The following INO80 variants were observed in gnomAD, a reference collection of about 807,000 sequenced individuals.
INO80 encodes the protein chromatin-remodeling ATPase INO80.
Under a neutral mutation model 203.4 loss-of-function variants are expected in INO80, and 20 were observed. The ratio of observed to expected loss-of-function variants is 0.10; its 90% CI spans 0.07 to 0.14. INO80 has a LOEUF of 0.14. Among genes scored for constraint, INO80 ranks in the 10% least tolerant of loss-of-function variants. The probability of loss-of-function intolerance (pLI) is 1.00; values close to 1 mark genes in which losing one functional copy is unlikely to be tolerated. For missense variants in INO80, 1,419 were observed against 1,914.4 expected, an observed-to-expected ratio of 0.74 and a Z score of 4.83; for synonymous variants, 726 against 685.2, an observed-to-expected ratio of 1.06 and a Z score of -0.93.
intron 27 of INO80, among the ~76,000 whole-genome samples, chr15:41,006,052 T>G (rs2044036331): frequency 6.6e-6 from 1 of 152,142 alleles, no homozygotes; most frequent in African/African-American, 2.4e-5. Context: ...CTACTTTTTT[T>G]GTCAGTGAAT....
intron 18 of INO80, 111 bp from the exon 19 acceptor site, chr15:41,054,125 A>G (rs965206935): frequency 7.8e-6 from 6 of 770,846 alleles, no homozygotes; most frequent in African/African-American, 1.7e-5. Context: ...CTTTGGCTCA[A>G]TGATTCTCTA....
At chr15:41,048,583 C>G (rs1001499186) in intron 21 of INO80, among the ~76,000 whole-genome samples, 26 of 152,146 alleles carry the variant, frequency 1.7e-4, no homozygotes, top group Admixed American at 1.6e-3. Flanking sequence ...CTGGCCTGTT[C>G]CTCCCAGCTC....
At chr15:41,040,074 G>A (rs1327616028) in intron 24 of INO80, among the ~76,000 whole-genome samples, 5 of 152,006 alleles carry the variant, frequency 3.3e-5, no homozygotes, top group South Asian at 2.1e-4. Flanking sequence ...CCGAGTACAC[G>A]GGCTCACAAC....
At chr15:40,985,504 T>C in intron 31 of INO80, 78 bp from the exon 32 acceptor site, 1 of 1,004,756 alleles carries the variant, frequency 1.0e-6, no homozygotes, top group Admixed American at 1.7e-5. Flanking sequence ...AAGGTGGCCA[T>C]ATCCCCTGAT....
At chr15:40,988,036 A>C (rs1596235460) in intron 29 of INO80, 62 bp from the exon 30 acceptor site, 1 of 1,444,436 alleles carries the variant, frequency 6.9e-7, no homozygotes. Flanking sequence ...TCTGAGAGCA[A>C]CCCAGCCAAT....
intron 24 of INO80, among the ~76,000 whole-genome samples, chr15:41,041,615 AT>A (rs533577464): frequency 2.0e-5 from 3 of 149,800 alleles, no homozygotes; most frequent in African/African-American, 7.4e-5. Flanking sequence ...TAATTTTTGT[AT>A]TTTTTTAGTA....
At chr15:41,001,805 T>C (rs2043962748) in intron 28 of INO80, among the ~76,000 whole-genome samples, 1 of 152,240 alleles carries the variant, frequency 6.6e-6, no homozygotes, top group South Asian at 2.1e-4. Context: ...CGTTGTTGTT[T>C]ACTCTGGCTG....
chr15:41,116,080 C>G lies in INO80; in HGVS notation c.-151G>C. 2.5e-6 allele frequency: 1 copy of G among 396,674 alleles called. No homozygotes were observed. Among genetic ancestry groups the G allele is most frequent in the Non-Finnish European group, 4.4e-6 (1 of 224,798 alleles). 24.6% of individuals were successfully genotyped at this position (396,674 alleles called of 1,614,324 possible). A position where few individuals can be genotyped will look rare whatever the true frequency, so the allele number is the denominator to read the frequency against. ...GCCGACGGTGGAGCCGCGGTTCGCTCTCTGAGGCCGTGGGACGGTGACTGC... is the reference window on the plus strand; with the variant it reads ...GCCGACGGTGGAGCCGCGGTTCGCTGTCTGAGGCCGTGGGACGGTGACTGC... On this transcript the variant is annotated 5_prime_UTR_variant, in exon 1 of 36. Transcript: ENST00000648947.
intron 24 of INO80, among the ~76,000 whole-genome samples, chr15:41,032,580 G>A (rs543004287): frequency 3.0e-4 from 46 of 152,168 alleles, no homozygotes; most frequent in African/African-American, 7.7e-4. Context: ...TCAATAGCCC[G>A]TCAAAAAACT....
intron 31 of INO80, 52 bp from the exon 32 acceptor site, chr15:40,985,478 C>G (rs1166901906): frequency 1.5e-6 from 2 of 1,297,572 alleles, no homozygotes; most frequent in Non-Finnish European, 2.2e-6. Flanking sequence ...TAATCATAAT[C>G]CTCACTCTCT....
intron 14 of INO80, among the ~76,000 whole-genome samples, chr15:41,061,412 C>A (rs1350105237): frequency 6.8e-6 from 1 of 146,782 alleles, no homozygotes; most frequent in Non-Finnish European, 1.5e-5. Context: ...AGAGACCACC[C>A]TGGCCAACAT....
At position 40,979,069 on chromosome 15, in the gene INO80, G is replaced by A. The variant is rs951057258; in HGVS notation, c.*1154C>T. ...TACACAGGAATCTGGGTTTGAGCAGGGGAATCTTAATGATTTAAATTAAAT... is the reference window on the plus strand; with the variant it reads ...TACACAGGAATCTGGGTTTGAGCAGAGGAATCTTAATGATTTAAATTAAAT... On this transcript the variant is annotated 3_prime_UTR_variant, in exon 36 of 36. Transcript: ENST00000648947. 6.6e-6 allele frequency: 1 copy of A among 152,546 alleles called. No homozygotes were observed. The highest frequency in any genetic ancestry group is 2.4e-5 in the African/African-American group (1 of 41,418). The allele number at this position is 152,546 out of a possible 1,614,324, so 9.4% of individuals were successfully genotyped here. A position where few individuals can be genotyped will look rare whatever the true frequency, so the allele number is the denominator to read the frequency against.
intron 1 of INO80, among the ~76,000 whole-genome samples, chr15:41,099,294 G>C (rs980936268): frequency 5.0e-5 from 5 of 99,222 alleles, no homozygotes; most frequent in Non-Finnish European, 1.1e-4. Flanking sequence ...CACACAACAA[G>C]AGAGTGAGAG....
intron 29 of INO80, among the ~76,000 whole-genome samples, chr15:40,995,555 A>G (rs1210621406): frequency 6.6e-6 from 1 of 152,234 alleles, no homozygotes; most frequent in Admixed American, 6.5e-5. Flanking sequence ...TAATCAAAGG[A>G]GTGGCATGAT....
At chr15:41,042,765 C>G (rs1036259593) in intron 24 of INO80, among the ~76,000 whole-genome samples, 1 of 152,196 alleles carries the variant, frequency 6.6e-6, no homozygotes, top group Non-Finnish European at 1.5e-5. Context: ...TGAGCCACCA[C>G]GCCCGGCTGA....
intron 16 of INO80, among the ~76,000 whole-genome samples, chr15:41,057,085 G>A (rs886126900): frequency 6.6e-6 from 1 of 152,184 alleles, no homozygotes; most frequent in Non-Finnish European, 1.5e-5. Context: ...CTTCCAGTAT[G>A]AGTTTGGAGA....
In INO80 at chr15:41,107,937, T is replaced by G. The variant is rs570794539; in HGVS notation, c.-44+8036A>C. Among the ~76,000 whole-genome samples, 12 of 151,218 alleles carry G rather than the reference T, an allele frequency of 7.9e-5. No homozygotes were observed. In the South Asian group the frequency reaches 2.5e-3, roughly 32 times the overall value. ...CAACACAGTGAAACCCCATCTCTAC[T>G]AAAAATACAAAAATTAGCCGGGCAT... On this transcript the variant is annotated intron_variant, in intron 1 of 35. Transcript: ENST00000648947.
chr15:41,074,983 G>A (rs187388746), intron 9 of INO80, among the ~76,000 whole-genome samples: 84 of 152,156 alleles, frequency 5.5e-4, no homozygotes, highest in Admixed American at 1.8e-3. Flanking sequence ...GTGATCCACT[G>A]GCTTCAGCAT....
intron 27 of INO80, among the ~76,000 whole-genome samples, chr15:41,012,837 A>AAT (rs2044152359): frequency 6.6e-6 from 1 of 152,212 alleles, no homozygotes; most frequent in African/African-American, 2.4e-5. Flanking sequence ...AACATTTCTG[A>AAT]ATATAGTCTA....
Sources: allele counts gnomAD v4.1 joint callset (sites outside exome capture counted in the v4.1 genomes callset), GRCh38; gene constraint gnomAD v4.1.1; transcripts MANE v1.5; gene names NCBI Gene and HGNC (gene_info 2026-07-23, HGNC 2026-07-21).